Variants in PHF3 observed in about 807,000 individuals in gnomAD.
The protein encoded by PHF3 is PHD finger protein 3.
Under a neutral mutation model 178.4 loss-of-function variants are expected in PHF3, and 41 were observed. The observed-to-expected ratio is 0.23, with a 90% CI of 0.18 to 0.30. The LOEUF is 0.30. Ranked by LOEUF, PHF3 falls within the 10% of genes least tolerant of loss-of-function variation. The pLI is 1.00. For missense variants in PHF3, 2,346 were observed against 2,398.1 expected (o/e 0.98, Z 0.45); for synonymous variants, 842 against 800.5 (o/e 1.05, Z -0.88).
chr6:63,706,872 C>A lies in PHF3; in HGVS notation c.3707C>A (p.Thr1236Lys), dbSNP rs1417598289. 1 of 1,613,538 alleles carries A rather than the reference C, an allele frequency of 6.2e-7. No homozygotes were observed. The highest frequency in any genetic ancestry group is 1.1e-5 in the South Asian group (1 of 90,938). ...GTATCTGGCTCCCCAGAATACCTGA[C>A]AGAGGTACTGTGAACTTTTCTGCTT... The part of the protein sequence containing the change: ...YPVSGSPEYL[T>K]EDLPDSIQVG... The change falls in exon 13 of 16, where the codon ACA (threonine) becomes AAA (lysine). Residue 1236 changes from threonine (T) to lysine (K), a missense_variant. Thr to Lys is a moderately conservative substitution (Grantham distance 78, BLOSUM62 -1). Coordinates refer to ENST00000262043, the MANE Select transcript of PHF3 (RefSeq NM_001370348.2).
rs774232033 is a variant in PHF3, at chr6:63,685,014, C to T, written c.1292C>T (p.Pro431Leu). The change falls in exon 4 of 16, where the codon CCG becomes CTG. Residue 431 changes from proline (P) to leucine (L), a missense_variant. By Grantham distance (98) the Pro-to-Leu change is moderately conservative. Around this residue, in one of 8 missense-constraint regions of PHF3, gnomAD observed 843 missense variants for 795.2 expected, o/e 1.06. Coordinates refer to ENST00000262043, the MANE Select transcript of PHF3 (RefSeq NM_001370348.2). ...GTGGTTGATACTAGTACTTTTGGAC[C>T]GGAAAGTAATATCTTGGAAAATGCT... ...LEVVDTSTFGPESNILENAIC... is the reference protein window; with the variant it reads ...LEVVDTSTFGLESNILENAIC... 19 of 1,613,842 alleles carry T rather than the reference C, an allele frequency of 1.2e-5. No individual in the cohort carries two copies. The highest frequency in any genetic ancestry group is 1.6e-4 in the Middle Eastern group (1 of 6,062).
intron 4 of PHF3, among the ~76,000 whole-genome samples, chr6:63,690,132 A>T (rs1006919288): frequency 1.3e-5 from 2 of 152,144 alleles, no homozygotes; most frequent in Admixed American, 6.5e-5. Context: ...CTGTATCATT[A>T]TGGGCCCATC....
chr6:63,665,864 A>G (rs1360010005), intron 2 of PHF3, among the ~76,000 whole-genome samples: 1 of 152,144 alleles, frequency 6.6e-6, no homozygotes. Flanking sequence ...TATTAATGAC[A>G]TTCTGTAACA....
At position 63,725,182 on chromosome 6, in the gene PHF3, ATC is replaced by A. The variant is rs34260675; in HGVS notation, c.*11478_*11479del. 5.8e-4 allele frequency among the ~76,000 whole-genome samples: 89 copies of A among 152,232 alleles called. No homozygotes were observed. Among genetic ancestry groups the A allele is most frequent in the South Asian group, 3.5e-3 (17 of 4,832 alleles). On this transcript the variant is annotated 3_prime_UTR_variant, in exon 16 of 16. Transcript: ENST00000262043. ...AGCATCAATCGTGTGAAACTAATGA[ATC>A]TCTGTAAGTAGTGTCTGATGGCATA...
intron 6 of PHF3, among the ~76,000 whole-genome samples, chr6:63,697,596 A>C (rs1767286856): frequency 6.6e-6 from 1 of 152,206 alleles, no homozygotes; most frequent in Non-Finnish European, 1.5e-5. Flanking sequence ...TGGTTTTGCC[A>C]ACACACATGT....
At chr6:63,656,918 C>T (rs1166186659) in intron 2 of PHF3, among the ~76,000 whole-genome samples, 5 of 152,162 alleles carry the variant, frequency 3.3e-5, no homozygotes, top group Admixed American at 3.3e-4. Context: ...TGCCTTTCCT[C>T]CAACCCAGTT....
rs1385572596 is a variant in PHF3 at position 63,685,152 on chromosome 6, G to A, written c.1430G>A (p.Ser477Asn). 1.9e-6 allele frequency: 3 copies of A among 1,613,854 alleles called. No individual in the cohort carries two copies. The highest frequency in any genetic ancestry group is 2.2e-5 in the East Asian group (1 of 44,880). Residue 477 changes from serine (S) to asparagine (N), a missense_variant, in exon 4 of 16, where the codon AGC (serine) becomes AAC (asparagine). Around this residue, in one of 8 missense-constraint regions of PHF3, gnomAD observed 843 missense variants for 795.2 expected, o/e 1.06. Transcript: ENST00000262043. Reference protein sequence around the residue: ...LQDDRNSQSSSVSYLESKSVK... With the variant: ...LQDDRNSQSSNVSYLESKSVK... ...GATGACAGAAACAGCCAGTCAAGTA[G>A]CGTTTCTTACTTAGAGTCAAAAAGT...
intron 2 of PHF3, among the ~76,000 whole-genome samples, chr6:63,671,897 C>T (rs1172046924): frequency 2.0e-5 from 3 of 152,192 alleles, no homozygotes; most frequent in Non-Finnish European, 4.4e-5. Flanking sequence ...CAGGCACGCA[C>T]CACCACACCC....
rs564091980 is a variant in PHF3, at chr6:63,701,821, G to A, written c.3100-687G>A. Among the ~76,000 whole-genome samples the A allele has an allele frequency of 7.2e-5, 11 of 152,106 alleles. No individual in the cohort carries two copies. The East Asian group carries it at 1.4e-3, about 19-fold the overall frequency. ...ACTCTTCTGCTTTGAAACTGGCTGC[G>A]AGTAACATCTGTATCAGAAAATGCC... is the stretch of plus-strand genomic sequence containing the variant. On this transcript the variant is annotated intron_variant, in intron 9 of 15. Transcript: ENST00000262043.
intron 2 of PHF3, among the ~76,000 whole-genome samples, chr6:63,677,644 G>C (rs1766227657): frequency 1.3e-5 from 2 of 152,024 alleles, no homozygotes; most frequent in Non-Finnish European, 2.9e-5. Flanking sequence ...TTCTATTTTG[G>C]ATGGTTCTTT....
intron 1 of PHF3, among the ~76,000 whole-genome samples, chr6:63,638,283 A>G (rs901788663): frequency 3.3e-5 from 5 of 152,146 alleles, no homozygotes; most frequent in African/African-American, 1.2e-4. Flanking sequence ...AATTTGGAGT[A>G]TTGCAAAATC....
At position 63,713,556 on chromosome 6, in the gene PHF3, A is replaced by G. The variant is rs1409433213; in HGVS notation, c.5968A>G (p.Arg1990Gly). Residue 1990 changes from arginine to glycine, a missense_variant, in exon 16 of 16, where the codon AGG becomes GGG. Coordinates refer to ENST00000262043, the MANE Select transcript of PHF3 (RefSeq NM_001370348.2). The part of the protein sequence containing the change: ...GTDGKASRDS[R>G]NVDKKPDKPK... ...AGATGGAAAAGCAAGCAGAGATAGT[A>G]GGAATGTAGACAAGAAGCCAGATAA... 1 of 1,613,628 alleles carries G rather than the reference A, an allele frequency of 6.2e-7. No homozygotes were observed. Among genetic ancestry groups the G allele is most frequent in the Non-Finnish European group, 8.5e-7 (1 of 1,179,890 alleles).
intron 2 of PHF3, among the ~76,000 whole-genome samples, chr6:63,671,845 C>T (rs557553903): frequency 6.6e-6 from 1 of 152,182 alleles, no homozygotes; most frequent in Non-Finnish European, 1.5e-5. Flanking sequence ...CTACCTGGTT[C>T]AGGTGATTCT....
intron 4 of PHF3, among the ~76,000 whole-genome samples, chr6:63,689,134 T>TA (rs1049659482): frequency 1.3e-5 from 2 of 152,192 alleles, no homozygotes; most frequent in East Asian, 3.8e-4. Context: ...GATTCAAACT[T>TA]ACATCAAAGG....
At chr6:63,642,346 A>G (rs1399403546) in intron 1 of PHF3, among the ~76,000 whole-genome samples, 1 of 152,080 alleles carries the variant, frequency 6.6e-6, no homozygotes, top group Admixed American at 6.5e-5. Context: ...GGCATTTAGC[A>G]TTTTGTTGTG....
Position 63,725,801 on chromosome 6 carries a change from T to C in PHF3, c.*12093T>C, listed in dbSNP as rs1768592210. Reference sequence around the variant, plus strand: ...CACCATTTTTGCTAATGATGTGAAATTTAGCAAATGTAATTATTTCTCAAT... The same window carrying C: ...CACCATTTTTGCTAATGATGTGAAACTTAGCAAATGTAATTATTTCTCAAT... On this transcript the variant is annotated 3_prime_UTR_variant, in exon 16 of 16. Coordinates refer to ENST00000262043, the MANE Select transcript of PHF3 (RefSeq NM_001370348.2). 6.6e-6 allele frequency among the ~76,000 whole-genome samples: 1 copy of C among 152,102 alleles called. No individual in the cohort carries two copies. Among genetic ancestry groups the C allele is most frequent in the South Asian group, 2.1e-4 (1 of 4,832 alleles).
intron 11 of PHF3, 27 bp downstream of exon 11, chr6:63,703,698 T>G: frequency 6.3e-7 from 1 of 1,580,498 alleles, no homozygotes; most frequent in Non-Finnish European, 8.6e-7. Context: ...CTTCGTAAAA[T>G]TTTGCATTCA....
At chr6:63,703,731 T>TGTATCTTAA in intron 11 of PHF3, 60 bp downstream of exon 11, 2 of 1,487,182 alleles carry the variant, frequency 1.3e-6, no homozygotes, top group Non-Finnish European at 1.8e-6. Context: ...GATACTTAGA[T>TGTATCTTAA]ACTAGTATAT....
intron 4 of PHF3, among the ~76,000 whole-genome samples, chr6:63,691,371 C>G (rs187584367): frequency 6.6e-6 from 1 of 151,948 alleles, no homozygotes; most frequent in Admixed American, 6.6e-5. Context: ...AAATTATTAC[C>G]AAGATCTTAC....
Sources: gnomAD v4.1 joint callset for allele counts (sites outside exome capture counted in the v4.1 genomes callset) on GRCh38, gnomAD v4.1.1 for gene constraint, gnomAD v4.1.1 regional missense constraint, MANE v1.5 for transcripts, NCBI Gene and HGNC (gene_info 2026-07-23, HGNC 2026-07-21) for gene names.